The following DPP6 variants were observed in gnomAD, a reference collection of about 807,000 sequenced individuals.
The protein encoded by DPP6 is dipeptidyl peptidase like 6, also known as A-type potassium channel modulatory protein DPP6.
Under a neutral mutation model 122.6 loss-of-function variants are expected in DPP6, and 69 were observed. That is an observed-to-expected ratio of 0.56 (90% CI 0.46 to 0.69). The LOEUF (loss-of-function observed/expected upper bound fraction) is 0.69, where lower values mean the gene tolerates loss of function less well. Among genes scored for constraint, DPP6 ranks in the 30% least tolerant of loss-of-function variants. The pLI is 0.00. For missense variants in DPP6, 928 were observed against 1,116.9 expected, an observed-to-expected ratio of 0.83 and a Z score of 2.41; for synonymous variants, 418 against 433.1, an observed-to-expected ratio of 0.97 and a Z score of 0.43.
At chr7:154,034,459 G>C (rs1799417136) in intron 1 of DPP6, among the ~76,000 whole-genome samples, 1 of 152,124 alleles carries the variant, frequency 6.6e-6, no homozygotes, top group South Asian at 2.1e-4. Context: ...ATAGTGTCAT[G>C]AGTTCCTGTT....
intron 1 of DPP6, chr7:154,094,304 C>T (rs1350794064): frequency 6.6e-6 from 1 of 152,200 alleles, no homozygotes; most frequent in Non-Finnish European, 1.5e-5. Flanking sequence ...TCGGATTGTT[C>T]AAGGGAAAGT....
At chr7:153,790,139 T>C in the DPP6 span, among the ~76,000 whole-genome samples, 6 of 152,168 alleles carry the variant, frequency 3.9e-5, no homozygotes, top group Non-Finnish European at 7.4e-5. Flanking sequence ...TAATAAAAAC[T>C]ATGACTGAAA....
chr7:154,851,530 A>G (rs188252583), intron 16 of DPP6, among the ~76,000 whole-genome samples: 122 of 152,344 alleles, frequency 8.0e-4, no homozygotes, highest in Middle Eastern at 3.4e-3. Context: ...TGAATCTTAG[A>G]GCCAAGAAAC....
In DPP6 at chr7:154,727,981, C is replaced by G. The variant is rs1842152109; in HGVS notation, c.883+94C>G. ...CTTTTTCATTTTTCTTTGACTTTAA[C>G]TGTAAATTAAACTCCAGTTTCTTGA... is the stretch of plus-strand genomic sequence containing the variant. On this transcript the variant is annotated intron_variant, in intron 8 of 25. Coordinates refer to ENST00000377770, the MANE Select transcript of DPP6 (RefSeq NM_130797.4). The G allele has an allele frequency of 2.7e-6, 4 of 1,495,330 alleles. No individual in the cohort carries two copies. The East Asian group carries it at 9.2e-5, about 34-fold the overall frequency. 92.6% of individuals were successfully genotyped at this position (1,495,330 alleles called of 1,614,324 possible). A position where few individuals can be genotyped will look rare whatever the true frequency, so the allele number is the denominator to read the frequency against.
chr7:154,478,661 G>C (rs1389138388), intron 3 of DPP6, among the ~76,000 whole-genome samples: 2 of 152,124 alleles, frequency 1.3e-5, no homozygotes, highest in Admixed American at 1.3e-4. Flanking sequence ...ATATCACAAA[G>C]TTTGTAAGTA....
Position 154,821,617 on chromosome 7 carries a change from A to C in DPP6, c.1666+14505A>C, listed in dbSNP as rs7784938. ...ATGTTAAGTGAATATATATATATAT[A>C]TTTTTTTTCTGTATATATATATATA... On this transcript the variant is annotated intron_variant, in intron 16 of 25. Coordinates refer to ENST00000377770, the MANE Select transcript of DPP6 (RefSeq NM_130797.4). This position sits in a 1 kb window ranked among gnomAD's most constrained non-coding sequence, Gnocchi z 4.2. Among the ~76,000 whole-genome samples the C allele has an allele frequency of 1.0e-5, 1 of 97,806 alleles. No homozygotes were observed. The highest frequency in any genetic ancestry group is 2.3e-5 in the Non-Finnish European group (1 of 43,360). The allele number at this position is 97,806 out of a possible 152,430, so 64.2% of individuals were successfully genotyped here.
chr7:154,670,617 G>A (rs899313178), intron 7 of DPP6, among the ~76,000 whole-genome samples: 1 of 152,182 alleles, frequency 6.6e-6, no homozygotes, highest in African/African-American at 2.4e-5. Flanking sequence ...CAGATGACAT[G>A]GTTGCTGTTT....
chr7:153,932,840 A>C (rs1585050814), intron 1 of DPP6, among the ~76,000 whole-genome samples: 1 of 152,060 alleles, frequency 6.6e-6, no homozygotes. Context: ...CTGTGTCCCC[A>C]CCCAAATCTC....
At chr7:154,677,861 A>C (rs2131149638) in intron 7 of DPP6, among the ~76,000 whole-genome samples, 1 of 152,260 alleles carries the variant, frequency 6.6e-6, no homozygotes, top group East Asian at 1.9e-4. Flanking sequence ...CAGCCTCAGA[A>C]TGGGAAGGTC....
rs570809935 is a variant in DPP6 at position 154,760,272 on chromosome 7, G to A, written c.884-9145G>A. 6.6e-6 allele frequency among the ~76,000 whole-genome samples: 1 copy of A among 152,274 alleles called. No individual in the cohort carries two copies. The highest frequency in any genetic ancestry group is 2.4e-5 in the African/African-American group (1 of 41,550). ...AGCAGGTGATTGGTGGAAGGAACGG[G>A]GAGGTTTGGAAAGTCCTTCAGCACA... On this transcript the variant is annotated intron_variant, in intron 8 of 25. Coordinates refer to ENST00000377770, the MANE Select transcript of DPP6 (RefSeq NM_130797.4). The surrounding 1 kb of genome is among the most constrained non-coding windows in gnomAD (Gnocchi z 4.5).
At chr7:154,658,142 C>T (rs1259991667) in intron 6 of DPP6, among the ~76,000 whole-genome samples, 1 of 152,200 alleles carries the variant, frequency 6.6e-6, no homozygotes, top group Non-Finnish European at 1.5e-5. Flanking sequence ...ACTCACAGAA[C>T]ACACAGGCAA....
At chr7:154,167,659 T>G (rs1797322398) in intron 1 of DPP6, among the ~76,000 whole-genome samples, 1 of 152,222 alleles carries the variant, frequency 6.6e-6, no homozygotes, top group African/African-American at 2.4e-5. Context: ...GGTAGCTGTT[T>G]TCAGGGGGGC....
the DPP6 span, among the ~76,000 whole-genome samples, chr7:153,794,071 C>T: frequency 6.6e-6 from 1 of 152,222 alleles, no homozygotes; most frequent in Non-Finnish European, 1.5e-5. Flanking sequence ...TAGGGCAGTG[C>T]AGACGGAAAT....
intron 8 of DPP6, among the ~76,000 whole-genome samples, chr7:154,731,108 T>C (rs1357130636): frequency 6.6e-6 from 1 of 152,188 alleles, no homozygotes; most frequent in African/African-American, 2.4e-5. Context: ...CTTCCTTTTT[T>C]AATAATGGGA....
chr7:153,843,869 A>G, the DPP6 span, among the ~76,000 whole-genome samples: 1 of 152,148 alleles, frequency 6.6e-6, no homozygotes, highest in African/African-American at 2.4e-5. Context: ...AAGCTAGACA[A>G]CCGGTCAGAC....
At chr7:154,005,814 A>G (rs1797890369) in intron 1 of DPP6, among the ~76,000 whole-genome samples, 1 of 151,866 alleles carries the variant, frequency 6.6e-6, no homozygotes, top group African/African-American at 2.4e-5. Flanking sequence ...TTCCGGTTGG[A>G]CGAGCTGCAA....
rs141267507 is a variant in DPP6 at position 153,915,943 on chromosome 7, T to TTTTATTTA, written c.51+28241_51+28248dup. Among the ~76,000 whole-genome samples, 578 of 147,076 alleles carry TTTTATTTA rather than the reference T, an allele frequency of 3.9e-3. 4 individuals carry two copies. The highest frequency in any genetic ancestry group is 0.013 in the African/African-American group (534 of 39,882). On this transcript the variant is annotated intron_variant, in intron 1 of 25. Transcript: ENST00000404039. ...CACTAAGATAAATAGCTCCTCTGAT[T>TTTTATTTA]TTTATTTATTTATTTATTTATTTAT...
chr7:154,437,701 T>C (rs1176277476), intron 1 of DPP6, among the ~76,000 whole-genome samples: 1 of 152,188 alleles, frequency 6.6e-6, no homozygotes, highest in Non-Finnish European at 1.5e-5. Flanking sequence ...TTTGAGAGGC[T>C]GAGGTGGGCG....
intron 1 of DPP6, among the ~76,000 whole-genome samples, chr7:154,070,084 G>A (rs545589115): frequency 2.6e-5 from 4 of 152,030 alleles, no homozygotes; most frequent in African/African-American, 9.6e-5. Context: ...CATATGCAAT[G>A]ATCCCCACAC....
Sources: allele counts gnomAD v4.1 joint callset (sites outside exome capture counted in the v4.1 genomes callset), GRCh38; gene constraint gnomAD v4.1.1; non-coding constraint Gnocchi (gnomAD v3.1); transcripts MANE v1.5; gene names NCBI Gene and HGNC (gene_info 2026-07-23, HGNC 2026-07-21).